ZPBP: variants seen among roughly 807,000 people sequenced by gnomAD.
The protein encoded by ZPBP is zona pellucida-binding protein 1.
In ZPBP, 26 loss-of-function variants were observed where a neutral mutation model predicts 44.8. That is an observed-to-expected ratio of 0.58 (90% CI 0.43 to 0.81). The LOEUF (loss-of-function observed/expected upper bound fraction) is 0.81, where lower values mean the gene tolerates loss of function less well. Ranked by LOEUF, ZPBP falls within the 30% of genes least tolerant of loss-of-function variation. The pLI, the probability that ZPBP is intolerant of heterozygous loss-of-function variation, is 0.00. For missense variants in ZPBP, 409 were observed against 434.0 expected (o/e 0.94, Z 0.51); for synonymous variants, 174 against 153.2 (o/e 1.14, Z -1.00).
intron 5 of ZPBP, among the ~76,000 whole-genome samples, chr7:50,019,691 T>C (rs1310952797): frequency 6.6e-6 from 1 of 152,100 alleles, no homozygotes; most frequent in Non-Finnish European, 1.5e-5. Flanking sequence ...ATTTCTTTCA[T>C]ACCTTCCCAA....
chr7:49,973,794 A>G (rs1796393336), intron 7 of ZPBP, among the ~76,000 whole-genome samples: 4 of 152,108 alleles, frequency 2.6e-5, no homozygotes, highest in Admixed American at 2.6e-4. Context: ...GAATGACCAT[A>G]TGATTCAGTA....
chr7:49,897,185 G>A (rs1014681690), intron 2 of ZPBP, among the ~76,000 whole-genome samples: 5 of 151,910 alleles, frequency 3.3e-5, no homozygotes, highest in East Asian at 1.9e-4. Flanking sequence ...GTGAGCCACC[G>A]CGCCCGGCCG....
chr7:49,844,635 G>A, the ZPBP span, among the ~76,000 whole-genome samples: 1 of 152,118 alleles, frequency 6.6e-6, no homozygotes, highest in African/African-American at 2.4e-5. Context: ...TCTGGTTTAG[G>A]GTCAATGGAT....
intron 1 of ZPBP, among the ~76,000 whole-genome samples, chr7:49,922,142 T>A (rs1794045228): frequency 6.6e-6 from 1 of 152,200 alleles, no homozygotes; most frequent in Non-Finnish European, 1.5e-5. Context: ...TTTCTCTTAT[T>A]TAATGAAAGA....
intron 6 of ZPBP, among the ~76,000 whole-genome samples, chr7:49,986,898 G>C (rs528946370): frequency 4.6e-5 from 7 of 152,266 alleles, no homozygotes; most frequent in Middle Eastern, 3.4e-3. Flanking sequence ...CTCTATTAAA[G>C]ACAGTCTGGT....
intron 5 of ZPBP, among the ~76,000 whole-genome samples, chr7:50,026,665 G>T (rs1460257236): frequency 6.6e-6 from 1 of 151,922 alleles, no homozygotes; most frequent in Non-Finnish European, 1.5e-5. Context: ...ATGAGCTAAA[G>T]GTTCAGGGCT....
chr7:50,085,674 T>C (rs538477414), intron 2 of ZPBP, among the ~76,000 whole-genome samples: 1 of 152,236 alleles, frequency 6.6e-6, no homozygotes, highest in East Asian at 1.9e-4. Flanking sequence ...CACAAAGCCT[T>C]TTCCCCAAAA....
intron 1 of ZPBP, among the ~76,000 whole-genome samples, chr7:49,930,693 G>T (rs1380886158): frequency 6.6e-6 from 1 of 152,026 alleles, no homozygotes; most frequent in Non-Finnish European, 1.5e-5. Context: ...CAGAAGATTA[G>T]AAATACCTAA....
At chr7:49,980,299 T>TACATATAATATAA (rs1796780458) in intron 7 of ZPBP, among the ~76,000 whole-genome samples, 1 of 30,514 alleles carries the variant, frequency 3.3e-5, no homozygotes, top group Non-Finnish European at 8.3e-5. Flanking sequence ...AAATATATAA[T>TACATATAATATAA]ATATATAATA....
At chr7:50,002,516 C>T (rs866846534) in intron 6 of ZPBP, among the ~76,000 whole-genome samples, 16 of 152,130 alleles carry the variant, frequency 1.1e-4, no homozygotes, top group Non-Finnish European at 2.2e-4. Context: ...AGCCACCACA[C>T]CCAGCTCATT....
At chr7:50,024,326 A>G (rs1426306707) in intron 5 of ZPBP, among the ~76,000 whole-genome samples, 1 of 152,062 alleles carries the variant, frequency 6.6e-6, no homozygotes, top group African/African-American at 2.4e-5. Context: ...AAAAGAAATG[A>G]AACCACAACC....
intron 1 of ZPBP, chr7:49,917,554 GCAAT>G (rs1793790908): frequency 6.6e-6 from 1 of 152,134 alleles, no homozygotes; most frequent in African/African-American, 2.4e-5. Flanking sequence ...ATTATCAAAA[GCAAT>G]CAAAGTATGT....
At chr7:49,934,065 AAAG>A (rs1412211864), downstream of ZPBP, among the ~76,000 whole-genome samples, 3 of 151,522 alleles carry the variant, frequency 2.0e-5, no homozygotes, top group Non-Finnish European at 2.9e-5. Flanking sequence ...AAAAAAAAAA[AAAG>A]AACTAAGAAG....
At chr7:49,958,120 A>G (rs902653057) in intron 7 of ZPBP, among the ~76,000 whole-genome samples, 2 of 152,180 alleles carry the variant, frequency 1.3e-5, no homozygotes, top group African/African-American at 4.8e-5. Context: ...CTGTTCCACC[A>G]TAATATTTTG....
chr7:50,008,001 C>T (rs1250545586), intron 6 of ZPBP, among the ~76,000 whole-genome samples: 3 of 151,774 alleles, frequency 2.0e-5, no homozygotes, highest in Non-Finnish European at 4.4e-5. Context: ...TTCAAAACAG[C>T]ACCAGTACTC....
chr7:49,937,182 G>T (rs1583871859), downstream of ZPBP, among the ~76,000 whole-genome samples: 1 of 152,176 alleles, frequency 6.6e-6, no homozygotes, highest in East Asian at 1.9e-4. Context: ...TATTATACAA[G>T]AATATGGTGG....
At chr7:50,003,308 T>C (rs1197291020) in intron 6 of ZPBP, among the ~76,000 whole-genome samples, 1 of 152,172 alleles carries the variant, frequency 6.6e-6, no homozygotes, top group Non-Finnish European at 1.5e-5. Context: ...GTAAGAACTC[T>C]AGAAACTAGC....
At chr7:49,860,103 A>G (rs1790591353) in intron 2 of ZPBP, among the ~76,000 whole-genome samples, 2 of 152,012 alleles carry the variant, frequency 1.3e-5, no homozygotes, top group Non-Finnish European at 1.5e-5. Flanking sequence ...AATTGTGGCA[A>G]AAAAATGACA....
chr7:49,852,520 TG>T (rs555905998), intron 2 of ZPBP, among the ~76,000 whole-genome samples: 4 of 151,718 alleles, frequency 2.6e-5, no homozygotes, highest in African/African-American at 4.8e-5. Context: ...TTCTTAAAAT[TG>T]GGGGGGCAGA....
Sources: gnomAD v4.1 joint callset for allele counts (sites outside exome capture counted in the v4.1 genomes callset) on GRCh38, gnomAD v4.1.1 for gene constraint, MANE v1.5 for transcripts, NCBI Gene and HGNC (gene_info 2026-07-23, HGNC 2026-07-21) for gene names.